The following KSR2 variants were observed in gnomAD, a reference collection of about 807,000 sequenced individuals.
The protein encoded by KSR2 is kinase suppressor of ras 2.
A neutral mutation model predicts 107.8 loss-of-function variants in KSR2; 25 were observed. That is an observed-to-expected ratio of 0.23 (90% CI 0.17 to 0.32). The LOEUF (loss-of-function observed/expected upper bound fraction) is 0.32. Ranked by LOEUF, KSR2 falls within the 10% of genes least tolerant of loss-of-function variation. KSR2 has a pLI of 1.00. For missense variants in KSR2, 887 were observed against 1,268.9 expected (o/e 0.70, Z 4.57); for synonymous variants, 480 against 507.0 (o/e 0.95, Z 0.71).
chr12:117,598,029 TTGGTTACA>T (rs150209381), intron 5 of KSR2, among the ~76,000 whole-genome samples: 16,946 of 152,136 alleles, frequency 0.11, 1,031 homozygotes, highest in Admixed American at 0.17. Flanking sequence ...CAGGTGGTTT[TTGGTTACA>T]TGGATAAGTT....
At chr12:117,765,962 C>T (rs1443965275) in intron 3 of KSR2, among the ~76,000 whole-genome samples, 2 of 152,186 alleles carry the variant, frequency 1.3e-5, no homozygotes, top group Non-Finnish European at 2.9e-5. Context: ...TGTGCCCAGG[C>T]ATTCACTATG....
At chr12:117,941,091 AT>A (rs1895991624) in intron 1 of KSR2, among the ~76,000 whole-genome samples, 1 of 152,008 alleles carries the variant, frequency 6.6e-6, no homozygotes, top group Non-Finnish European at 1.5e-5. Context: ...TCTCAAAAAA[AT>A]AATAATAATA....
chr12:117,802,934 T>C (rs917768934), intron 3 of KSR2, among the ~76,000 whole-genome samples: 7 of 152,224 alleles, frequency 4.6e-5, no homozygotes, highest in African/African-American at 1.7e-4. Flanking sequence ...GCAGGCTTCA[T>C]TACTGTGCCT....
At chr12:117,708,693 C>T (rs185317247) in intron 4 of KSR2, among the ~76,000 whole-genome samples, 1 of 152,318 alleles carries the variant, frequency 6.6e-6, no homozygotes, top group Non-Finnish European at 1.5e-5. Context: ...GAGCCGCCCA[C>T]ATCTAATACT....
Position 117,761,542 on chromosome 12 carries a change from A to G in KSR2, c.473-18T>C, listed in dbSNP as rs540520416. 50 of 1,612,636 alleles carry G rather than the reference A, an allele frequency of 3.1e-5. 1 individual carries two copies. The Admixed American group carries it at 7.0e-4, about 23-fold the overall frequency. On this transcript the variant is annotated intron_variant, in intron 3 of 19. Coordinates refer to ENST00000339824, the MANE Select transcript of KSR2 (RefSeq NM_173598.6). Reference sequence around the variant, plus strand: ...GTTGCCTCCTGAGTTGGAACAGAAGAGCAGAGACAATGGGTAAGCCATGAG... The same window carrying G: ...GTTGCCTCCTGAGTTGGAACAGAAGGGCAGAGACAATGGGTAAGCCATGAG...
intron 7 of KSR2, among the ~76,000 whole-genome samples, chr12:117,566,059 A>G (rs1301133272): frequency 1.3e-5 from 2 of 151,686 alleles, no homozygotes; most frequent in East Asian, 3.9e-4. Flanking sequence ...AGATTATTTC[A>G]TCACCCAGGT....
At chr12:117,798,712 A>ATATATAT (rs1463784186) in intron 3 of KSR2, among the ~76,000 whole-genome samples, 1 of 76,450 alleles carries the variant, frequency 1.3e-5, no homozygotes, top group Admixed American at 1.5e-4. Flanking sequence ...AAAAGTCCAA[A>ATATATAT]AAAAAAAAAT....
intron 3 of KSR2, among the ~76,000 whole-genome samples, chr12:117,816,037 G>C (rs1037185949): frequency 1.5e-5 from 2 of 135,188 alleles, no homozygotes; most frequent in African/African-American, 5.8e-5. Context: ...GTGTGTGTGT[G>C]TGTTGGGGAG....
chr12:117,944,410 T>C (rs1301354252), intron 1 of KSR2, among the ~76,000 whole-genome samples: 1 of 151,988 alleles, frequency 6.6e-6, no homozygotes, highest in African/African-American at 2.4e-5. Flanking sequence ...GTCTCGGGTA[T>C]GTCTTTATCA....
intron 1 of KSR2, among the ~76,000 whole-genome samples, chr12:117,860,877 C>A (rs1240216092): frequency 6.6e-6 from 1 of 152,108 alleles, no homozygotes; most frequent in African/African-American, 2.4e-5. Flanking sequence ...CGCCACCATG[C>A]CTGGCTAATT....
intron 1 of KSR2, among the ~76,000 whole-genome samples, chr12:117,950,999 C>T (rs1896348340): frequency 6.6e-6 from 1 of 151,822 alleles, no homozygotes; most frequent in Non-Finnish European, 1.5e-5. Context: ...CTGTAAGCTC[C>T]CGGATTCATG....
In KSR2 at chr12:117,524,914, A is replaced by G; in HGVS notation, c.2157T>C (p.His719=). ...REVMAYRQTR[H]ENVVLFMGAC... is the part of the protein sequence containing the mutation. ...CACCCATGAAAAGCACCACGTTCTC[A>G]TGCCGTGTCTGCCTGTAGGCCATCA... The change falls in exon 14 of 20, where the codon CAT becomes CAC. Residue 719 remains histidine, a synonymous_variant. Coordinates refer to ENST00000339824, the MANE Select transcript of KSR2 (RefSeq NM_173598.6). 6.2e-7 allele frequency: 1 copy of G among 1,613,446 alleles called. No individual in the cohort carries two copies. The highest frequency in any genetic ancestry group is 1.7e-5 in the Admixed American group (1 of 60,018).
chr12:117,709,600 G>A (rs951892898), intron 4 of KSR2, among the ~76,000 whole-genome samples: 1 of 152,168 alleles, frequency 6.6e-6, no homozygotes, highest in African/African-American at 2.4e-5. Context: ...TAACAGACAT[G>A]AGCCACTGTG....
chr12:117,808,635 A>G (rs1336821382), intron 3 of KSR2, among the ~76,000 whole-genome samples: 2 of 152,140 alleles, frequency 1.3e-5, no homozygotes, highest in Non-Finnish European at 2.9e-5. Context: ...AAAACGTAGC[A>G]TGTCTAATTG....
chr12:117,940,787 T>C (rs1464551344), intron 1 of KSR2, among the ~76,000 whole-genome samples: 1 of 152,222 alleles, frequency 6.6e-6, no homozygotes, highest in Non-Finnish European at 1.5e-5. Context: ...ATTTCACACT[T>C]AAGATTTTGA....
chr12:117,686,717 A>G (rs553121113), intron 4 of KSR2, among the ~76,000 whole-genome samples: 1 of 152,318 alleles, frequency 6.6e-6, no homozygotes, highest in East Asian at 1.9e-4. Context: ...GCAGGAGGTC[A>G]GCCAGAAATG....
rs779901947 is a variant in KSR2, at chr12:117,454,749, C to T, written c.*12450G>A. ...CTATTCATAGAGTGATATGAACTGT[C>T]CCAGAAAGAGGTTTTTTGCTGAAGA... is the stretch of plus-strand genomic sequence containing the variant. On this transcript the variant is annotated 3_prime_UTR_variant, in exon 20 of 20. Transcript: ENST00000339824. 1.3e-5 allele frequency: 2 copies of T among 152,188 alleles called. No homozygotes were observed. The highest frequency in any genetic ancestry group is 6.5e-5 in the Admixed American group (1 of 15,282). The allele number at this position is 152,188 out of a possible 1,614,324, so 9.4% of individuals were successfully genotyped here. A position where few individuals can be genotyped will look rare whatever the true frequency, so the allele number is the denominator to read the frequency against.
chr12:117,877,666 A>G (rs1366112859), intron 1 of KSR2, among the ~76,000 whole-genome samples: 2 of 152,202 alleles, frequency 1.3e-5, no homozygotes, highest in Non-Finnish European at 1.5e-5. Context: ...CAGAGTAACA[A>G]TGGAACTTGC....
At chr12:117,884,831 T>TC (rs140805067) in intron 1 of KSR2, among the ~76,000 whole-genome samples, 1,691 of 152,246 alleles carry the variant, frequency 0.011, 31 homozygotes, top group African/African-American at 0.039. Flanking sequence ...TCACCAGCCA[T>TC]CTCTGTTTCC....
Sources: gnomAD v4.1 joint callset for allele counts (sites outside exome capture counted in the v4.1 genomes callset) on GRCh38, gnomAD v4.1.1 for gene constraint, MANE v1.5 for transcripts, NCBI Gene and HGNC (gene_info 2026-07-23, HGNC 2026-07-21) for gene names.